FBXO4: variants seen among roughly 807,000 people sequenced by gnomAD.
FBXO4 encodes F-box protein 4, also known as F-box only protein 4.
A neutral mutation model predicts 43.7 loss-of-function variants in FBXO4; 36 were observed. The ratio of observed to expected loss-of-function variants is 0.82; its 90% CI spans 0.63 to 1.09. The LOEUF (loss-of-function observed/expected upper bound fraction) is 1.09. Ranked by LOEUF, FBXO4 falls within the 50% of genes least tolerant of loss-of-function variation. FBXO4 has a pLI of 0.00. For synonymous variants in FBXO4, 180 were observed against 165.6 expected (o/e 1.09, Z -0.67); for missense variants, 435 against 474.1 (o/e 0.92, Z 0.77).
chr5:41,999,644 C>A, the FBXO4 span, among the ~76,000 whole-genome samples: 9 of 148,774 alleles, frequency 6.0e-5, no homozygotes, highest in African/African-American at 1.7e-4. Context: ...GCTTGAGGAG[C>A]AAAGGGAGCC....
chr5:41,973,138 C>G, the FBXO4 span, among the ~76,000 whole-genome samples: 1 of 152,084 alleles, frequency 6.6e-6, no homozygotes. Context: ...AACAGACAAC[C>G]TACAAAGTGG....
At chr5:41,987,178 T>C in the FBXO4 span, among the ~76,000 whole-genome samples, 1 of 152,148 alleles carries the variant, frequency 6.6e-6, no homozygotes, top group East Asian at 1.9e-4. Flanking sequence ...TTAGACTTGG[T>C]TTTCTTAGAG....
At chr5:41,954,499 G>A in the FBXO4 span, among the ~76,000 whole-genome samples, 2 of 152,158 alleles carry the variant, frequency 1.3e-5, no homozygotes, top group Non-Finnish European at 2.9e-5. Context: ...ACCCCTGACT[G>A]TAGCACTGAA....
At chr5:41,978,948 T>C in the FBXO4 span, among the ~76,000 whole-genome samples, 1 of 152,230 alleles carries the variant, frequency 6.6e-6, no homozygotes, top group Non-Finnish European at 1.5e-5. Context: ...GATAAAGGTA[T>C]TGATCCTCTT....
the FBXO4 span, among the ~76,000 whole-genome samples, chr5:42,027,201 T>C: frequency 1.3e-5 from 2 of 151,876 alleles, no homozygotes; most frequent in African/African-American, 4.8e-5. Flanking sequence ...CTGGAAGACT[T>C]TTTATTACAG....
the FBXO4 span, among the ~76,000 whole-genome samples, chr5:42,006,937 T>G: frequency 7.2e-6 from 1 of 139,160 alleles, no homozygotes; most frequent in Non-Finnish European, 1.6e-5. Flanking sequence ...CACACATACA[T>G]ACATATATAT....
chr5:42,021,128 G>A, the FBXO4 span, among the ~76,000 whole-genome samples: 1 of 152,226 alleles, frequency 6.6e-6, no homozygotes, highest in South Asian at 2.1e-4. Flanking sequence ...AAAACGATTA[G>A]GATCTGATAA....
chr5:41,954,524 T>A, the FBXO4 span, among the ~76,000 whole-genome samples: 2 of 152,204 alleles, frequency 1.3e-5, no homozygotes, highest in South Asian at 2.1e-4. Context: ...ATAATCATAA[T>A]GCATCATCTA....
the FBXO4 span, among the ~76,000 whole-genome samples, chr5:41,949,164 T>G: frequency 6.6e-6 from 1 of 152,172 alleles, no homozygotes. Flanking sequence ...AAGACAAGGA[T>G]GCCCTCTCTC....
chr5:41,938,498 C>A (rs1034207024), intron 5 of FBXO4, among the ~76,000 whole-genome samples: 3 of 152,188 alleles, frequency 2.0e-5, no homozygotes, highest in Non-Finnish European at 4.4e-5. Flanking sequence ...CATTTAAATG[C>A]ACCTTGTTGA....
At chr5:42,000,200 A>T in the FBXO4 span, among the ~76,000 whole-genome samples, 10 of 152,298 alleles carry the variant, frequency 6.6e-5, no homozygotes, top group African/African-American at 2.4e-4. Context: ...ATAATAGTTT[A>T]CACTTGCTTT....
At chr5:41,969,760 A>C in the FBXO4 span, among the ~76,000 whole-genome samples, 1 of 152,144 alleles carries the variant, frequency 6.6e-6, no homozygotes. Flanking sequence ...TTCAGAATGT[A>C]GGTGTCTTTG....
the FBXO4 span, among the ~76,000 whole-genome samples, chr5:41,949,552 A>C: frequency 6.6e-6 from 1 of 152,232 alleles, no homozygotes; most frequent in Admixed American, 6.5e-5. Flanking sequence ...CCACGGCTCA[A>C]GGAAATAAGA....
the FBXO4 span, among the ~76,000 whole-genome samples, chr5:42,007,540 A>G: frequency 6.6e-6 from 1 of 152,140 alleles, no homozygotes; most frequent in African/African-American, 2.4e-5. Flanking sequence ...CTGAGGGAGA[A>G]AACTTTTCTA....
chr5:41,941,164 A>G, intron 6 of FBXO4, 28 bp from the exon 7 acceptor site: 1 of 1,589,518 alleles, frequency 6.3e-7, no homozygotes, highest in East Asian at 2.2e-5. Context: ...GTTTCTTACT[A>G]ACAACATTCT....
downstream of FBXO4, among the ~76,000 whole-genome samples, chr5:41,946,468 T>C (rs1195076120): frequency 6.6e-6 from 1 of 152,212 alleles, no homozygotes; most frequent in Non-Finnish European, 1.5e-5. Context: ...ATCCTTCAAA[T>C]ATGTCAATAG....
At chr5:41,934,509 C>A (rs1372517277) in intron 5 of FBXO4, 3 of 1,393,176 alleles carry the variant, frequency 2.2e-6, no homozygotes, top group Non-Finnish European at 2.8e-6. Flanking sequence ...AACATGTTAA[C>A]AAGCTGATTC....
chr5:41,952,604 A>C, the FBXO4 span, among the ~76,000 whole-genome samples: 2 of 152,162 alleles, frequency 1.3e-5, no homozygotes, highest in Non-Finnish European at 2.9e-5. Flanking sequence ...TTAGCTGTAA[A>C]TACCCTATCT....
chr5:41,967,588 C>A, the FBXO4 span: 5 of 1,113,476 alleles, frequency 4.5e-6, no homozygotes, highest in African/African-American at 7.7e-5. Context: ...CATTTTTTGA[C>A]CTTCCAGCCA....
Sources: gnomAD v4.1 joint callset for allele counts (sites outside exome capture counted in the v4.1 genomes callset) on GRCh38, gnomAD v4.1.1 for gene constraint, MANE v1.5 for transcripts, NCBI Gene and HGNC (gene_info 2026-07-23, HGNC 2026-07-21) for gene names.